Variants in DNAJC13 observed in about 807,000 individuals in gnomAD.
DNAJC13 encodes dnaJ homolog subfamily C member 13.
Under a neutral mutation model 290.5 loss-of-function variants are expected in DNAJC13, and 75 were observed. The observed-to-expected ratio is 0.26, with a 90% confidence interval of 0.21 to 0.31. DNAJC13 has a LOEUF of 0.31. DNAJC13 is among the 10% of genes least tolerant of loss of function. The probability of loss-of-function intolerance (pLI) is 1.00; values close to 1 mark genes in which losing one functional copy is unlikely to be tolerated. For synonymous variants in DNAJC13, 862 were observed against 892.0 expected (o/e 0.97, Z 0.60); for missense variants, 2,260 against 2,674.5 (o/e 0.85, Z 3.42).
intron 17 of DNAJC13, among the ~76,000 whole-genome samples, chr3:132,464,641 A>C (rs1933916132): frequency 6.6e-6 from 1 of 152,142 alleles, no homozygotes; most frequent in African/African-American, 2.4e-5. Flanking sequence ...TATTAGAAGA[A>C]ACTACCTCCC....
chr3:132,451,842 A>G (rs1407252812), intron 6 of DNAJC13, among the ~76,000 whole-genome samples: 1 of 152,234 alleles, frequency 6.6e-6, no homozygotes, highest in African/African-American at 2.4e-5. Flanking sequence ...ATGTAGAAAT[A>G]TAGTTGGTTC....
chr3:132,518,658 A>AT (rs915702116), intron 48 of DNAJC13, among the ~76,000 whole-genome samples: 3 of 151,390 alleles, frequency 2.0e-5, no homozygotes, highest in Admixed American at 2.0e-4. Flanking sequence ...GTCTGGCCAA[A>AT]TTTTTTTTTC....
intron 42 of DNAJC13, among the ~76,000 whole-genome samples, chr3:132,506,440 T>G (rs1210548160): frequency 6.6e-6 from 1 of 151,992 alleles, no homozygotes; most frequent in Non-Finnish European, 1.5e-5. Context: ...ACATGTTATT[T>G]TAGTCCAATC....
At chr3:132,424,155 T>C (rs1337747947) in intron 1 of DNAJC13, among the ~76,000 whole-genome samples, 1 of 152,126 alleles carries the variant, frequency 6.6e-6, no homozygotes, top group Non-Finnish European at 1.5e-5. Context: ...AAGCATTGCT[T>C]AAGTGAACAT....
In DNAJC13 at chr3:132,496,667, A is replaced by G. The variant is rs763181572; in HGVS notation, c.4156+4A>G. ...CTCTTCAACCGTCATAAAGAAGGTA[A>G]GATGTCTGTTCTCAGATTTTAATTT... On this transcript the variant is annotated splice_donor_region_variant and intron_variant, in intron 36 of 55. Coordinates refer to ENST00000260818, the MANE Select transcript of DNAJC13 (RefSeq NM_015268.4). 1 of 1,598,938 alleles carries G rather than the reference A, an allele frequency of 6.3e-7. No homozygotes were observed. Among genetic ancestry groups the G allele is most frequent in the East Asian group, 2.3e-5 (1 of 44,390 alleles).
chr3:132,492,314 T>C (rs1935080278), intron 32 of DNAJC13, 100 bp from the exon 33 acceptor site: 1 of 1,204,160 alleles, frequency 8.3e-7, no homozygotes, highest in South Asian at 1.4e-5. Context: ...TGAGTTATTC[T>C]ATAGATGATT....
chr3:132,459,624 A>G (rs931013446), intron 13 of DNAJC13, among the ~76,000 whole-genome samples: 5 of 152,208 alleles, frequency 3.3e-5, no homozygotes, highest in African/African-American at 7.2e-5. Flanking sequence ...AAACAATGCT[A>G]TGAAACAAAC....
In DNAJC13 at chr3:132,473,311, CTG is replaced by C. The variant is rs577949790; in HGVS notation, c.2291+86_2291+87del. 148 of 935,788 alleles carry C rather than the reference CTG, an allele frequency of 1.6e-4. No homozygotes were observed. In the African/African-American group the frequency reaches 2.3e-3, roughly 15 times the overall value. 58.0% of individuals were successfully genotyped at this position (935,788 alleles called of 1,614,324 possible). A position where few individuals can be genotyped will look rare whatever the true frequency, so the allele number is the denominator to read the frequency against. Reference sequence around the variant, plus strand: ...CATGACACGTTCTTCTTCCCTGAAACTGTTGCTTTATGCCACATGTATTTTTA... The same window carrying C: ...CATGACACGTTCTTCTTCCCTGAAACTTGCTTTATGCCACATGTATTTTTA... On this transcript the variant is annotated intron_variant, in intron 21 of 55. Transcript: ENST00000260818.
At chr3:132,421,918 G>A (rs1434036615) in intron 1 of DNAJC13, among the ~76,000 whole-genome samples, 1 of 152,146 alleles carries the variant, frequency 6.6e-6, no homozygotes, top group African/African-American at 2.4e-5. Flanking sequence ...CCTGCAAAAT[G>A]TACTTGGTGA....
At chr3:132,487,870 C>T (rs1324307863) in intron 29 of DNAJC13, among the ~76,000 whole-genome samples, 1 of 152,074 alleles carries the variant, frequency 6.6e-6, no homozygotes, top group African/African-American at 2.4e-5. Flanking sequence ...ACCTGCACTT[C>T]TGGATCTACC....
chr3:132,498,772 G>C (rs1023064317), intron 36 of DNAJC13, among the ~76,000 whole-genome samples: 1 of 151,786 alleles, frequency 6.6e-6, no homozygotes, highest in Non-Finnish European at 1.5e-5. Flanking sequence ...CTGGAGTGCA[G>C]TGGTGCCATC....
chr3:132,527,583 C>T (rs1434278362), intron 53 of DNAJC13, among the ~76,000 whole-genome samples: 3 of 152,190 alleles, frequency 2.0e-5, no homozygotes, highest in African/African-American at 7.2e-5. Flanking sequence ...TCAGATTTCT[C>T]ATCTGTAAAA....
chr3:132,423,336 T>A (rs1231385543), intron 1 of DNAJC13, among the ~76,000 whole-genome samples: 1 of 152,206 alleles, frequency 6.6e-6, no homozygotes, highest in Non-Finnish European at 1.5e-5. Flanking sequence ...CACAACTTAA[T>A]GGAAGGGTTG....
At chr3:132,483,024 C>T (rs1191000916) in intron 27 of DNAJC13, among the ~76,000 whole-genome samples, 1 of 152,134 alleles carries the variant, frequency 6.6e-6, no homozygotes, top group Admixed American at 6.5e-5. Context: ...TTGATCCTGC[C>T]TCTGATCTTC....
intron 25 of DNAJC13, among the ~76,000 whole-genome samples, chr3:132,479,503 A>G (rs925982564): frequency 6.6e-5 from 10 of 152,200 alleles, no homozygotes; most frequent in African/African-American, 2.4e-4. Context: ...GAATGAATTA[A>G]TGATAATAAA....
At chr3:132,457,228 T>C (rs768571661) in intron 12 of DNAJC13, 41 bp from the exon 13 acceptor site, 1 of 1,386,108 alleles carries the variant, frequency 7.2e-7, no homozygotes, top group Non-Finnish European at 1.0e-6. Context: ...ATTTAAAATG[T>C]TCTGGTATTG....
intron 24 of DNAJC13, among the ~76,000 whole-genome samples, chr3:132,478,593 A>T (rs1934550281): frequency 6.6e-6 from 1 of 152,158 alleles, no homozygotes; most frequent in Non-Finnish European, 1.5e-5. Flanking sequence ...CTCTACAAAA[A>T]ATTTTATACA....
rs1471252599 is a variant in DNAJC13, at chr3:132,470,592, C to T, written c.2209-2553C>T. Among the ~76,000 whole-genome samples the T allele has an allele frequency of 2.4e-3, 336 of 138,382 alleles. 2 individuals are homozygous for T. The highest frequency in any genetic ancestry group is 0.014 in the East Asian group (62 of 4,498). The allele number at this position is 138,382 out of a possible 152,430, so 90.8% of individuals were successfully genotyped here. A position where few individuals can be genotyped will look rare whatever the true frequency, so the allele number is the denominator to read the frequency against. Reference sequence around the variant, plus strand: ...GCAGAGGCGCCCCTCACCTCCCGGACGGGGCGGCTGGCCGGGCGGGGGGGC... The same window carrying T: ...GCAGAGGCGCCCCTCACCTCCCGGATGGGGCGGCTGGCCGGGCGGGGGGGC... On this transcript the variant is annotated intron_variant, in intron 20 of 55. Transcript: ENST00000260818.
chr3:132,468,980 T>C (rs1934094571), intron 20 of DNAJC13, among the ~76,000 whole-genome samples: 1 of 152,192 alleles, frequency 6.6e-6, no homozygotes, highest in Non-Finnish European at 1.5e-5. Context: ...AAACTATGGA[T>C]AAAAATCTGC....
Sources: gnomAD v4.1 joint callset for allele counts (sites outside exome capture counted in the v4.1 genomes callset) on GRCh38, gnomAD v4.1.1 for gene constraint, MANE v1.5 for transcripts, NCBI Gene and HGNC (gene_info 2026-07-23, HGNC 2026-07-21) for gene names.